Variants in PLXNA3 observed in about 807,000 individuals in gnomAD.
PLXNA3 encodes plexin-A3.
PLXNA3 carries 52 observed loss-of-function variants against 118.8 expected under a neutral mutation model. The ratio of observed to expected loss-of-function variants is 0.44; its 90% CI spans 0.35 to 0.55. PLXNA3 has a LOEUF of 0.55. PLXNA3 is among the 20% of genes least tolerant of loss of function. The pLI is 0.01. For synonymous variants in PLXNA3, 925 were observed against 762.4 expected, an observed-to-expected ratio of 1.21 and a Z score of -3.51; for missense variants, 1,660 against 1,730.8, an observed-to-expected ratio of 0.96 and a Z score of 0.73.
chrX:154,472,149 T>TG (rs2148257269), intron 32 of PLXNA3, among the ~76,000 whole-genome samples: 1 of 110,336 alleles, frequency 9.1e-6, no homozygotes, highest in Admixed American at 9.6e-5. Flanking sequence ...GAGCGCCTGG[T>TG]GGGGTCTGGC....
chrX:154,471,370 G>A, intron 31 of PLXNA3, 53 bp downstream of exon 31: 1 of 1,160,680 alleles, frequency 8.6e-7, no homozygotes, highest in Admixed American at 2.3e-5. Flanking sequence ...CCCTCCCTGG[G>A]CTGCCTGTGC....
In PLXNA3 at chrX:154,471,590, G is replaced by A. The variant is rs2069184854; in HGVS notation, c.5472G>A (p.Leu1824=). Reference sequence around the variant, plus strand: ...TCCACGCCAGCGACTTCAGCGTCCTGAGTGCGCTCAACGAGCTGTATTTCT... The same window carrying A: ...TCCACGCCAGCGACTTCAGCGTCCTAAGTGCGCTCAACGAGCTGTATTTCT... The part of the protein sequence containing the change: ...SRLHASDFSV[L]SALNELYFYV... Residue 1824 remains leucine (L), a synonymous_variant, in exon 32 of 33, where the codon CTG becomes CTA. Transcript: ENST00000369682. 2 of 1,211,076 alleles carry A rather than the reference G, an allele frequency of 1.7e-6. No individual in the cohort carries two copies. Among genetic ancestry groups the A allele is most frequent in the Admixed American group, 4.3e-5 (2 of 46,108 alleles).
chrX:154,460,117 G>T, intron 1 of PLXNA3, 40 bp from the exon 2 acceptor site: 1 of 761,886 alleles, frequency 1.3e-6, no homozygotes, highest in Non-Finnish European at 1.9e-6. Context: ...AGCCCTCTGT[G>T]GCTCGAGGCC....
chrX:154,468,814 T>C lies in PLXNA3; in HGVS notation c.4288-9T>C, dbSNP rs1569554648. 1.7e-6 allele frequency: 2 copies of C among 1,211,682 alleles called. No individual in the cohort carries two copies. The highest frequency in any genetic ancestry group is 2.2e-6 in the Non-Finnish European group (2 of 895,532). On this transcript the variant is annotated splice_polypyrimidine_tract_variant and intron_variant, in intron 24 of 32. Transcript: ENST00000369682. ...AGGCAGCCAGCTGTGCACCTGTCCC[T>C]GGCTGCAGGAGTGTGCTGGGGAGCC...
chrX:154,460,248 C>A lies in PLXNA3; in HGVS notation c.65C>A (p.Pro22His), dbSNP rs1557203207. The A allele has an allele frequency of 8.3e-7, 1 of 1,209,435 alleles. No individual in the cohort carries two copies. The highest frequency in any genetic ancestry group is 2.2e-5 in the Admixed American group (1 of 46,101). The change falls in exon 2 of 33, where the codon CCC becomes CAC. Residue 22 changes from proline (P) to histidine (H), a missense_variant. By Grantham distance (77) the Pro-to-His change is moderately conservative. Around this residue, in one of 2 missense-constraint regions of PLXNA3, gnomAD observed 791 missense variants for 652.1 expected, o/e 1.21. Transcript: ENST00000369682. ...LAVGGALGNR[P>H]FRAFVVTDTT... Reference sequence around the variant, plus strand: ...GTGGGGGGGGCCCTGGGCAACAGGCCCTTCCGTGCCTTCGTGGTGACAGAC... The same window carrying A: ...GTGGGGGGGGCCCTGGGCAACAGGCACTTCCGTGCCTTCGTGGTGACAGAC...
At chrX:154,464,576 C>A in intron 9 of PLXNA3, 75 bp downstream of exon 9, 2 of 912,403 alleles carry the variant, frequency 2.2e-6, no homozygotes, top group Non-Finnish European at 3.1e-6. Flanking sequence ...ACCTTCAGGG[C>A]AGCTGTTTCT....
rs200421034 is a variant in PLXNA3 at position 154,460,761 on chromosome X, C to A, written c.578C>A (p.Ala193Glu). The A allele has an allele frequency of 4.4e-5, 49 of 1,117,788 alleles. No individual in the cohort carries two copies. Among genetic ancestry groups the A allele is most frequent in the African/African-American group, 2.0e-4 (11 of 54,600 alleles). 92.1% of individuals were successfully genotyped at this position (1,117,788 alleles called of 1,213,427 possible). A position where few individuals can be genotyped will look rare whatever the true frequency, so the allele number is the denominator to read the frequency against. The change falls in exon 2 of 33, where the codon GCG (alanine) becomes GAG (glutamate). Residue 193 changes from alanine to glutamate, a missense_variant. Physicochemically the swap from Ala to Glu is moderately radical, Grantham distance 107. Around this residue, in one of 2 missense-constraint regions of PLXNA3, gnomAD observed 791 missense variants for 652.1 expected, o/e 1.21. Transcript: ENST00000369682. ...SRKLISDEDS[A>E]DMFSLVYQDE... ...AAGCTCATCAGTGATGAAGACAGCGCGGACATGTTCAGTCTCGTGCGTGAG... is the reference window on the plus strand; with the variant it reads ...AAGCTCATCAGTGATGAAGACAGCGAGGACATGTTCAGTCTCGTGCGTGAG...
At position 154,461,560 on chromosome X, in the gene PLXNA3, C is replaced by T. The variant is rs782046195; in HGVS notation, c.1056C>T (p.Arg352=). ...ACATCAATGCCCACATCCGGCGCCG[C>T]ATCCAGTCCTGCTATCGTGGGGAGG... ...LSNINAHIRR[R]IQSCYRGEGT... is the part of the protein sequence containing the mutation. Residue 352 remains arginine, a synonymous_variant, in exon 3 of 33, where the codon CGC becomes CGT. Coordinates refer to ENST00000369682, the MANE Select transcript of PLXNA3 (RefSeq NM_017514.5). 1.7e-5 allele frequency: 21 copies of T among 1,209,470 alleles called. No individual in the cohort carries two copies. In the Admixed American group the frequency reaches 4.1e-4, roughly 24 times the overall value.
rs145693545 is a variant in PLXNA3, at chrX:154,458,669, C to T, written c.-28+241C>T. Among the ~76,000 whole-genome samples, 343 of 112,358 alleles carry T rather than the reference C, an allele frequency of 3.1e-3. 8 individuals are homozygous for T. In the East Asian group the frequency reaches 0.071, roughly 23 times the overall value. On this transcript the variant is annotated intron_variant, in intron 1 of 32. Transcript: ENST00000369682. Reference sequence around the variant, plus strand: ...CCTCGGAGGATCAACGCTGTACTTCCCTCCCGCTAAGGGCTCCGCGAGTCC... The same window carrying T: ...CCTCGGAGGATCAACGCTGTACTTCTCTCCCGCTAAGGGCTCCGCGAGTCC...
At chrX:154,461,723 T>C in intron 3 of PLXNA3, 85 bp downstream of exon 3, 2 of 961,126 alleles carry the variant, frequency 2.1e-6, no homozygotes, top group Non-Finnish European at 2.8e-6. Flanking sequence ...AGTCATCCTG[T>C]CCCAGGCTTT....
At position 154,469,020 on chromosome X, in the gene PLXNA3, G is replaced by A. The variant is rs1226020480; in HGVS notation, c.4435-36G>A. 4.1e-6 allele frequency: 5 copies of A among 1,209,753 alleles called. No individual in the cohort carries two copies. The Admixed American group carries it at 6.5e-5, about 16-fold the overall frequency. On this transcript the variant is annotated intron_variant, in intron 25 of 32. Coordinates refer to ENST00000369682, the MANE Select transcript of PLXNA3 (RefSeq NM_017514.5). ...AGGTAGGGGTGCAGAGAGAGGCCTC[G>A]CCCCAGACTGACACTGGAGTCCGCT...
In PLXNA3 at chrX:154,463,951, G is replaced by T; in HGVS notation, c.1548G>T (p.Arg516Ser). Residue 516 changes from arginine to serine, a missense_variant and splice_region_variant, in exon 7 of 33, where the codon AGG becomes AGT. Arg to Ser is a moderately radical substitution (Grantham distance 110). Coordinates refer to ENST00000369682, the MANE Select transcript of PLXNA3 (RefSeq NM_017514.5). The part of the protein sequence containing the change: ...PHCGWCVLRH[R>S]CCREGACLGA... ...CCGGCTCTGGCCCGACCCCGTGCAG[G>T]TGCTGCCGCGAAGGGGCCTGTCTGG... The T allele has an allele frequency of 8.6e-7, 1 of 1,167,463 alleles. No individual in the cohort carries two copies. Among genetic ancestry groups the T allele is most frequent in the Non-Finnish European group, 1.1e-6 (1 of 874,122 alleles).
rs35880504 is a variant in PLXNA3 at position 154,460,195 on chromosome X, C to G, written c.12C>G (p.Val4=). 2,052 of 1,201,876 alleles carry G rather than the reference C, an allele frequency of 1.7e-3. 20 individuals are homozygous for G. In the African/African-American group the frequency reaches 0.031, roughly 18 times the overall value. The change falls in exon 2 of 33, where the codon GTC becomes GTG. Residue 4 remains valine (V), a synonymous_variant. Coordinates refer to ENST00000369682, the MANE Select transcript of PLXNA3 (RefSeq NM_017514.5). The part of the protein sequence containing the change: MPS[V]CLLLLLFLAV... ...CGCGGCTGCCGGCCATGCCCTCTGT[C>G]TGCCTCCTCCTGCTGCTCTTCCTTG...
intron 30 of PLXNA3, 100 bp from the exon 31 acceptor site, chrX:154,471,005 A>G (rs1025430082): frequency 1.4e-5 from 9 of 644,496 alleles, no homozygotes; most frequent in African/African-American, 4.4e-5. Flanking sequence ...ACCTCTGGAC[A>G]AGATGTGAGC....
chrX:154,459,791 T>A (rs782000777), intron 1 of PLXNA3, among the ~76,000 whole-genome samples: 7 of 112,933 alleles, frequency 6.2e-5, no homozygotes, highest in Non-Finnish European at 9.4e-5. Flanking sequence ...TGTGCCTGCC[T>A]CCCTCTCCCC....
At chrX:154,460,940 C>T (rs782079606) in intron 2 of PLXNA3, among the ~76,000 whole-genome samples, 159 bp from the exon 3 acceptor site, 1 of 112,497 alleles carries the variant, frequency 8.9e-6, no homozygotes, top group East Asian at 2.8e-4. Context: ...CGGGGGTCCC[C>T]TGTGTGCAGG....
rs782689193 is a variant in PLXNA3 at position 154,467,041 on chromosome X, C to T, written c.3108-16C>T. Reference sequence around the variant, plus strand: ...GCACTGGAGGAGGGAGCCTGAGGCCCCTGCCCTGTCCCTAGTGGAAGCACT... The same window carrying T: ...GCACTGGAGGAGGGAGCCTGAGGCCTCTGCCCTGTCCCTAGTGGAAGCACT... On this transcript the variant is annotated splice_polypyrimidine_tract_variant and intron_variant, in intron 17 of 32. Coordinates refer to ENST00000369682, the MANE Select transcript of PLXNA3 (RefSeq NM_017514.5). 1.4e-5 allele frequency: 17 copies of T among 1,190,744 alleles called. No homozygotes were observed. The highest frequency in any genetic ancestry group is 6.5e-5 in the Admixed American group (3 of 45,825).
rs1402323336 is a variant in PLXNA3, at chrX:154,469,106, G to A, written c.4485G>A (p.Val1495=). 8 of 1,210,051 alleles carry A rather than the reference G, an allele frequency of 6.6e-6. No homozygotes were observed. The highest frequency in any genetic ancestry group is 1.8e-5 in the South Asian group (1 of 56,913). ...PENEGSAQVP[V]KVLNCDSITQ... ...ACGAGGGCAGCGCCCAGGTCCCAGTGAAGGTTCTCAACTGTGACAGCATCA... is the reference window on the plus strand; with the variant it reads ...ACGAGGGCAGCGCCCAGGTCCCAGTAAAGGTTCTCAACTGTGACAGCATCA... The change falls in exon 26 of 33, where the codon GTG becomes GTA. Residue 1495 remains valine, a synonymous_variant. Coordinates refer to ENST00000369682, the MANE Select transcript of PLXNA3 (RefSeq NM_017514.5).
At chrX:154,459,354 T>C (rs908591745) in intron 1 of PLXNA3, among the ~76,000 whole-genome samples, 22 of 111,770 alleles carry the variant, frequency 2.0e-4, no homozygotes, top group Non-Finnish European at 3.0e-4. Flanking sequence ...CTGTGGCTCC[T>C]GCCCTGTCTC....
Sources: gnomAD v4.1 joint callset for allele counts (sites outside exome capture counted in the v4.1 genomes callset) on GRCh38, gnomAD v4.1.1 for gene constraint, gnomAD v4.1.1 regional missense constraint, MANE v1.5 for transcripts, NCBI Gene and HGNC (gene_info 2026-07-23, HGNC 2026-07-21) for gene names.